The following DYM variants were observed in gnomAD, a reference collection of about 807,000 sequenced individuals.
DYM encodes dyggve-Melchior-Clausen syndrome protein.
DYM carries 78 observed loss-of-function variants against 93.1 expected under a neutral mutation model. The ratio of observed to expected loss-of-function variants is 0.84; its 90% confidence interval spans 0.70 to 1.01. The LOEUF (loss-of-function observed/expected upper bound fraction) is 1.01, where lower values mean the gene tolerates loss of function less well. DYM is among the 50% of genes least tolerant of loss of function. The pLI, the probability that DYM is intolerant of heterozygous loss-of-function variation, is 0.00. For synonymous variants in DYM, 321 were observed against 319.7 expected (o/e 1.00, Z -0.04); for missense variants, 789 against 845.0 (o/e 0.93, Z 0.82).
At chr18:49,434,514 C>A (rs2080642827) in intron 1 of DYM, among the ~76,000 whole-genome samples, 1 of 151,800 alleles carries the variant, frequency 6.6e-6, no homozygotes, top group African/African-American at 2.4e-5. Context: ...GAGCTAAACT[C>A]CATCTCAAAA....
intron 2 of DYM, among the ~76,000 whole-genome samples, chr18:49,424,405 G>A (rs77070990): frequency 0.092 from 13,915 of 151,804 alleles, 858 homozygotes; most frequent in East Asian, 0.31. Flanking sequence ...TCTCAAAATA[G>A]TAAGAGCTAT....
At chr18:49,079,474 G>A (rs1008197953) in intron 17 of DYM, among the ~76,000 whole-genome samples, 4 of 151,914 alleles carry the variant, frequency 2.6e-5, no homozygotes, top group African/African-American at 7.3e-5. Context: ...CAGGGTCATA[G>A]GACAATAGTG....
intron 2 of DYM, among the ~76,000 whole-genome samples, chr18:49,402,026 CAAAA>C (rs61550965): frequency 9.6e-6 from 1 of 104,676 alleles, no homozygotes; most frequent in Non-Finnish European, 2.1e-5. Flanking sequence ...AACTCTGTCT[CAAAA>C]AAAAAAAAAA....
intron 8 of DYM, chr18:49,329,709 T>C (rs1028118571): frequency 2.0e-5 from 3 of 152,256 alleles, no homozygotes; most frequent in Non-Finnish European, 4.4e-5. Context: ...CAAGGCACTC[T>C]GTTTCAAAGG....
At chr18:49,423,601 C>T (rs2073959656) in intron 2 of DYM, among the ~76,000 whole-genome samples, 1 of 152,216 alleles carries the variant, frequency 6.6e-6, no homozygotes, top group African/African-American at 2.4e-5. Flanking sequence ...ATCAGTGAAT[C>T]CAGGAGCTGG....
intron 16 of DYM, among the ~76,000 whole-genome samples, chr18:49,110,194 AC>A (rs1178788617): frequency 3.3e-5 from 5 of 152,256 alleles, no homozygotes; most frequent in African/African-American, 1.2e-4. Flanking sequence ...TAAAATATTT[AC>A]AATCTGCTCA....
intron 14 of DYM, among the ~76,000 whole-genome samples, chr18:49,196,530 A>G (rs1004557873): frequency 1.3e-5 from 2 of 152,126 alleles, no homozygotes; most frequent in African/African-American, 4.8e-5. Flanking sequence ...AAAGTGAGAG[A>G]GTGCGAGGGG....
At chr18:49,284,899 T>C (rs2145802355) in intron 9 of DYM, among the ~76,000 whole-genome samples, 1 of 152,292 alleles carries the variant, frequency 6.6e-6, no homozygotes, top group East Asian at 1.9e-4. Flanking sequence ...TCCAATGAAA[T>C]AAAGTTGAGA....
chr18:49,303,587 G>A (rs2061083680), intron 8 of DYM, among the ~76,000 whole-genome samples: 1 of 152,132 alleles, frequency 6.6e-6, no homozygotes, highest in Non-Finnish European at 1.5e-5. Context: ...TGGTGCACGT[G>A]GCCCTTTGGC....
In DYM at chr18:49,038,197, GT is replaced by G. The variant is rs2070774183; in HGVS notation, c.*5857del. Among the ~76,000 whole-genome samples the G allele has an allele frequency of 6.6e-6, 1 of 152,058 alleles. No homozygotes were observed. The highest frequency in any genetic ancestry group is 6.6e-5 in the Admixed American group (1 of 15,262). ...TTTGAAAAGTATGTTATTGAGTTTG[GT>G]GTCCTACATACATCCGTTTGGTTTG... On this transcript the variant is annotated 3_prime_UTR_variant, in exon 18 of 18. Coordinates refer to ENST00000675505, the MANE Select transcript of DYM (RefSeq NM_001353214.3).
intron 8 of DYM, among the ~76,000 whole-genome samples, chr18:49,317,596 T>TCTCTCCCC (rs1381346703): frequency 3.2e-5 from 1 of 31,148 alleles, no homozygotes; most frequent in Non-Finnish European, 5.3e-5. Flanking sequence ...TCTCTCTCTC[T>TCTCTCCCC]CCCCCCTCCC....
chr18:49,432,205 C>T (rs2080385448), intron 1 of DYM, among the ~76,000 whole-genome samples: 1 of 151,834 alleles, frequency 6.6e-6, no homozygotes, highest in Non-Finnish European at 1.5e-5. Flanking sequence ...GTGGTGCATG[C>T]CTGTAATCCC....
At chr18:49,212,813 T>A (rs1463130435) in intron 13 of DYM, among the ~76,000 whole-genome samples, 12 of 151,650 alleles carry the variant, frequency 7.9e-5, no homozygotes, top group African/African-American at 2.9e-4. Flanking sequence ...ATTTTTAATC[T>A]GAAAAAAAAA....
intron 11 of DYM, among the ~76,000 whole-genome samples, chr18:49,259,366 T>A (rs2094454587): frequency 6.6e-6 from 1 of 152,168 alleles, no homozygotes; most frequent in African/African-American, 2.4e-5. Context: ...CCAGTGCACA[T>A]GAAATACAGA....
intron 2 of DYM, among the ~76,000 whole-genome samples, chr18:49,406,912 T>C (rs2071560538): frequency 6.6e-6 from 1 of 152,250 alleles, no homozygotes; most frequent in Non-Finnish European, 1.5e-5. Flanking sequence ...AGCAACTTTA[T>C]TCATTACAGC....
chr18:49,226,844 G>C (rs924140540), intron 13 of DYM, among the ~76,000 whole-genome samples: 1 of 151,556 alleles, frequency 6.6e-6, no homozygotes, highest in African/African-American at 2.4e-5. Flanking sequence ...TTGACTAAAG[G>C]AAAAAAAGAC....
At chr18:49,118,987 T>G in intron 15 of DYM, 61 bp from the exon 16 acceptor site, 1 of 1,424,076 alleles carries the variant, frequency 7.0e-7, no homozygotes, top group Non-Finnish European at 9.9e-7. Flanking sequence ...ACAGAATTAA[T>G]GAAAATAAGA....
chr18:49,053,163 C>T (rs776618437), intron 17 of DYM, among the ~76,000 whole-genome samples: 10 of 152,116 alleles, frequency 6.6e-5, no homozygotes, highest in Admixed American at 2.6e-4. Context: ...GTGGGACATC[C>T]GGACGCCCAG....
At chr18:49,204,536 A>C (rs1371604487) in intron 14 of DYM, among the ~76,000 whole-genome samples, 1 of 152,222 alleles carries the variant, frequency 6.6e-6, no homozygotes, top group African/African-American at 2.4e-5. Flanking sequence ...CACCAAACTT[A>C]TTCACTACTC....
Sources: gnomAD v4.1 joint callset for allele counts (sites outside exome capture counted in the v4.1 genomes callset) on GRCh38, gnomAD v4.1.1 for gene constraint, MANE v1.5 for transcripts, NCBI Gene and HGNC (gene_info 2026-07-23, HGNC 2026-07-21) for gene names.